NUMBL: variants seen among roughly 807,000 people sequenced by gnomAD.
NUMBL encodes the protein numb-like protein.
A neutral mutation model predicts 48.9 loss-of-function variants in NUMBL; 20 were observed. The observed-to-expected ratio is 0.41, with a 90% CI of 0.29 to 0.59. The LOEUF (loss-of-function observed/expected upper bound fraction) is 0.59, where lower values mean the gene tolerates loss of function less well. Among genes scored for constraint, NUMBL ranks in the 20% least tolerant of loss-of-function variants. The probability of loss-of-function intolerance (pLI) is 0.31; values close to 1 mark genes in which losing one functional copy is unlikely to be tolerated. For synonymous variants in NUMBL, 340 were observed against 348.7 expected, an observed-to-expected ratio of 0.98 and a Z score of 0.28; for missense variants, 660 against 846.2, an observed-to-expected ratio of 0.78 and a Z score of 2.73.
rs1354346326 is a variant in NUMBL, at chr19:40,667,606, A to AGG, written c.1690_1691dup (p.Glu565LeufsTer21). 1 of 1,554,024 alleles carries AGG rather than the reference A, an allele frequency of 6.4e-7. No homozygotes were observed. The highest frequency in any genetic ancestry group is 8.7e-7 in the Non-Finnish European group (1 of 1,148,954). On this transcript the variant is annotated frameshift_variant, in exon 10 of 10. Transcript: ENST00000252891. LOFTEE classifies it high-confidence loss of function. This position sits in a 1 kb window ranked among gnomAD's most constrained non-coding sequence, Gnocchi z 6.1. ...CTGGAGCTGGGGCAGGCGCTGGCTC[A>AGG]GGGGGCCAGGGGGCCCCATTGGGGC...
chr19:40,668,135 G>A lies in NUMBL; in HGVS notation c.1163C>T (p.Thr388Ile). ...APGPPPATTG[T>I]SAWGEPSVPP... ...CACGGAGGGCTCACCCCAGGCAGAA[G>A]TCCCTGGAGAGAGGAGAGGGACAGG... Residue 388 changes from threonine to isoleucine, a missense_variant, in exon 10 of 10, where the codon ACT becomes ATT. Physicochemically the swap from Thr to Ile is moderately conservative, Grantham distance 89 (BLOSUM62 -1). Around this residue, in one of 3 missense-constraint regions of NUMBL, gnomAD observed 296 missense variants for 339.7 expected, o/e 0.87. Coordinates refer to ENST00000252891, the MANE Select transcript of NUMBL (RefSeq NM_004756.5). The A allele has an allele frequency of 6.3e-7, 1 of 1,593,600 alleles. No homozygotes were observed. The highest frequency in any genetic ancestry group is 8.6e-7 in the Non-Finnish European group (1 of 1,168,840).
chr19:40,681,280 A>T (rs1366350029), intron 5 of NUMBL, among the ~76,000 whole-genome samples: 1 of 152,132 alleles, frequency 6.6e-6, no homozygotes, highest in Non-Finnish European at 1.5e-5. Context: ...GTGATGAAGG[A>T]GGCCCAGGCA....
intron 6 of NUMBL, among the ~76,000 whole-genome samples, chr19:40,678,839 C>T (rs2081891132): frequency 6.6e-6 from 1 of 152,194 alleles, no homozygotes; most frequent in African/African-American, 2.4e-5. Context: ...TCGCTCACAC[C>T]TGTAATCCCA....
chr19:40,667,863 C>T lies in NUMBL; in HGVS notation c.1435G>A (p.Val479Met), dbSNP rs765551409. ...TGCATGTGTGGGGGTGGCAGGAACA[C>T]GGCCACTTGGGCAGGTGCAGCGTCA... ...PFDAAPAQVA[V>M]FLPPPHMQPP... The change falls in exon 10 of 10, where the codon GTG (valine) becomes ATG (methionine). Residue 479 changes from valine (V) to methionine (M), a missense_variant. Physicochemically the swap from Val to Met is conservative, Grantham distance 21 (BLOSUM62 1). Transcript: ENST00000252891. The surrounding 1 kb of genome is among the most constrained non-coding windows in gnomAD (Gnocchi z 6.1). 50 of 1,589,234 alleles carry T rather than the reference C, an allele frequency of 3.1e-5. No individual in the cohort carries two copies. Among genetic ancestry groups the T allele is most frequent in the South Asian group, 3.0e-4 (26 of 87,722 alleles).
intron 2 of NUMBL, 53 bp from the exon 3 acceptor site, chr19:40,684,609 A>G: frequency 6.4e-7 from 1 of 1,551,226 alleles, no homozygotes. Flanking sequence ...GAAGGTATGG[A>G]GCTCAACGGG....
At position 40,667,627 on chromosome 19, in the gene NUMBL, G is replaced by C; in HGVS notation, c.1671C>G (p.Pro557=). 3 of 1,555,366 alleles carry C rather than the reference G, an allele frequency of 1.9e-6. No homozygotes were observed. Among genetic ancestry groups the C allele is most frequent in the Non-Finnish European group, 2.6e-6 (3 of 1,149,616 alleles). ...GCTCAGGGGGCCAGGGGGCCCCATT[G>C]GGGCGAGGGCGGGCCTGGCTCCCAG... ...SAPGSQARPR[P]NGAPWPPEPA... is the part of the protein sequence containing the mutation. Residue 557 remains proline, a synonymous_variant, in exon 10 of 10, where the codon CCC becomes CCG. Coordinates refer to ENST00000252891, the MANE Select transcript of NUMBL (RefSeq NM_004756.5). This position sits in a 1 kb window ranked among gnomAD's most constrained non-coding sequence, Gnocchi z 6.1.
intron 7 of NUMBL, among the ~76,000 whole-genome samples, chr19:40,675,376 C>T (rs904809594): frequency 1.3e-5 from 2 of 151,864 alleles, no homozygotes. Context: ...TTCAGGATCA[C>T]ATCTCGCATC....
Position 40,677,302 on chromosome 19 carries a change from G to C in NUMBL, c.660C>G (p.Ala220=). ...CAGACAGGCGGAAGGAGCCCTCGCG[G>C]GCGAAGCTGGTGCGGCTGGCATCGA... is the stretch of plus-strand genomic sequence containing the variant. ...AAFDASRTSF[A]REGSFRLSGG... The change falls in exon 7 of 10, where the codon GCC becomes GCG. Residue 220 remains alanine (A), a synonymous_variant. Coordinates refer to ENST00000252891, the MANE Select transcript of NUMBL (RefSeq NM_004756.5). 3 of 1,611,022 alleles carry C rather than the reference G, an allele frequency of 1.9e-6. No homozygotes were observed. Among genetic ancestry groups the C allele is most frequent in the Non-Finnish European group, 2.5e-6 (3 of 1,179,260 alleles).
Position 40,677,367 on chromosome 19 carries a change from T to G in NUMBL, c.595A>C (p.Lys199Gln). The G allele has an allele frequency of 6.2e-7, 1 of 1,611,996 alleles. No individual in the cohort carries two copies. The highest frequency in any genetic ancestry group is 2.2e-5 in the East Asian group (1 of 44,882). ...GCAFAACLER[K>Q]QRREKECGVT... is the part of the protein sequence containing the mutation. ...CCACATTCCTTCTCCCGTCGCTGTT[T>G]TCGCTCCAGGCAGGCGGCAAAAGCA... Residue 199 changes from lysine to glutamine, a missense_variant, in exon 7 of 10, where the codon AAA becomes CAA. Transcript: ENST00000252891.
In NUMBL at chr19:40,667,216, GGCATT is replaced by G. The variant is rs2081814093; in HGVS notation, c.*247_*251del. 1.9e-6 allele frequency: 1 copy of G among 520,258 alleles called. No individual in the cohort carries two copies. Among genetic ancestry groups the G allele is most frequent in the African/African-American group, 1.9e-5 (1 of 51,802 alleles). The allele number at this position is 520,258 out of a possible 1,614,324, so 32.2% of individuals were successfully genotyped here. A position where few individuals can be genotyped will look rare whatever the true frequency, so the allele number is the denominator to read the frequency against. ...CCCTGTGTCTGGGGTTGGGGAAGGG[GGCATT>G]GCCAGCCTAAGTCCGGCAGTGAAAT... On this transcript the variant is annotated 3_prime_UTR_variant, in exon 10 of 10. Transcript: ENST00000252891. The surrounding 1 kb of genome is among the most constrained non-coding windows in gnomAD (Gnocchi z 6.1).
chr19:40,684,277 C>T (rs1247401921), intron 3 of NUMBL, 140 bp downstream of exon 3: 3 of 879,652 alleles, frequency 3.4e-6, no homozygotes, highest in Non-Finnish European at 5.0e-6. Context: ...ACCGTGATAG[C>T]CAGGACTGCC....
chr19:40,683,586 C>T (rs2081916938), intron 3 of NUMBL, among the ~76,000 whole-genome samples: 1 of 152,216 alleles, frequency 6.6e-6, no homozygotes, highest in East Asian at 1.9e-4. Context: ...TGACCATGGT[C>T]AGTCATCACC....
intron 9 of NUMBL, among the ~76,000 whole-genome samples, chr19:40,669,065 G>A (rs963498547): frequency 1.3e-4 from 19 of 151,998 alleles, no homozygotes; most frequent in African/African-American, 4.6e-4. Flanking sequence ...CAAGATTCTA[G>A]CATGAGCACA....
chr19:40,674,165 C>T (rs1344046227), intron 7 of NUMBL, among the ~76,000 whole-genome samples: 3 of 152,264 alleles, frequency 2.0e-5, no homozygotes, highest in Non-Finnish European at 4.4e-5. Context: ...ACTCTGGACC[C>T]CATGCTCCAA....
chr19:40,672,249 T>A (rs1568427461), intron 8 of NUMBL, among the ~76,000 whole-genome samples: 1 of 152,002 alleles, frequency 6.6e-6, no homozygotes, highest in Non-Finnish European at 1.5e-5. Context: ...ACATTAGTAA[T>A]CAAACACAAT....
At chr19:40,678,266 G>A (rs892022536) in intron 6 of NUMBL, among the ~76,000 whole-genome samples, 9 of 152,102 alleles carry the variant, frequency 5.9e-5, no homozygotes, top group African/African-American at 1.4e-4. Flanking sequence ...GGCTTCAAGC[G>A]ATTCTCCTGC....
At chr19:40,683,133 T>C in intron 3 of NUMBL, 165 bp from the exon 4 acceptor site, 1 of 675,392 alleles carries the variant, frequency 1.5e-6, no homozygotes, top group Non-Finnish European at 2.6e-6. Flanking sequence ...ACCCCATTCC[T>C]GGTCTAGACA....
chr19:40,672,817 C>T lies in NUMBL; in HGVS notation c.1036+527G>A, dbSNP rs572081529. 2.6e-5 allele frequency among the ~76,000 whole-genome samples: 4 copies of T among 152,202 alleles called. No individual in the cohort carries two copies. The East Asian group carries it at 5.8e-4, about 22-fold the overall frequency. ...CTAGGCAGACATTTCTAATCCATCA[C>T]AATCCTCCTTTCCTCAGAGCCTGAG... On this transcript the variant is annotated intron_variant, in intron 8 of 9. Coordinates refer to ENST00000252891, the MANE Select transcript of NUMBL (RefSeq NM_004756.5).
At position 40,682,741 on chromosome 19, in the gene NUMBL, T is replaced by C. The variant is rs1355829901; in HGVS notation, c.386A>G (p.Asp129Gly). The C allele has an allele frequency of 6.2e-7, 1 of 1,614,034 alleles. No individual in the cohort carries two copies. The highest frequency in any genetic ancestry group is 8.5e-7 in the Non-Finnish European group (1 of 1,179,994). ...WVSADGLRVV[D>G]DKTKDLLVDQ... ...CAGGCCTCCTACCTTGGTTTTGTCG[T>C]CCACCACTCGGAGCCCATCGGCTGA... Residue 129 changes from aspartate to glycine, a missense_variant, in exon 5 of 10, where the codon GAC becomes GGC. Physicochemically the swap from Asp to Gly is moderately conservative, Grantham distance 94. Coordinates refer to ENST00000252891, the MANE Select transcript of NUMBL (RefSeq NM_004756.5). This position sits in a 1 kb window ranked among gnomAD's most constrained non-coding sequence, Gnocchi z 4.0.
Sources: gnomAD v4.1 joint callset for allele counts (sites outside exome capture counted in the v4.1 genomes callset) on GRCh38, gnomAD v4.1.1 for gene constraint, gnomAD v4.1.1 regional missense constraint, Gnocchi (gnomAD v3.1) non-coding constraint, MANE v1.5 for transcripts, NCBI Gene and HGNC (gene_info 2026-07-23, HGNC 2026-07-21) for gene names.